Variants in P2RY13 observed in about 807,000 individuals in gnomAD.
P2RY13 encodes the protein P2Y purinoceptor 13.
For synonymous variants in P2RY13, 150 were observed against 155.1 expected (o/e 0.97, Z 0.24); for missense variants, 412 against 418.4 (o/e 0.98, Z 0.13).
rs1749718384 is a variant in P2RY13 at position 151,327,206 on chromosome 3, A to G, written c.*785T>C. The G allele has an allele frequency of 2.0e-5, 3 of 152,096 alleles. No individual in the cohort carries two copies. The highest frequency in any genetic ancestry group is 2.0e-4 in the Admixed American group (3 of 15,262). The allele number at this position is 152,096 out of a possible 1,614,324, so 9.4% of individuals were successfully genotyped here. A position where few individuals can be genotyped will look rare whatever the true frequency, so the allele number is the denominator to read the frequency against. On this transcript the variant is annotated 3_prime_UTR_variant, in exon 2 of 2. Transcript: ENST00000325602. ...GTAGAAGTATTTGTTTTTAATGAGG[A>G]GGGTGGGGCAGGGGGATAGGGGTTG...
Position 151,326,947 on chromosome 3 carries a change from A to T in P2RY13, c.*1044T>A, listed in dbSNP as rs1291563086. 1 of 152,218 alleles carries T rather than the reference A, an allele frequency of 6.6e-6. No individual in the cohort carries two copies. Among genetic ancestry groups the T allele is most frequent in the African/African-American group, 2.4e-5 (1 of 41,458 alleles). The allele number at this position is 152,218 out of a possible 1,614,324, so 9.4% of individuals were successfully genotyped here. ...TCACCATCCTTTGAAAAATCTCTCA[A>T]TATGGATGTTACTGATTGTGGGTCA... On this transcript the variant is annotated 3_prime_UTR_variant, in exon 2 of 2. Transcript: ENST00000325602.
rs1183735382 is a variant in P2RY13 at position 151,328,133 on chromosome 3, G to A, written c.923C>T (p.Thr308Ile). ...AKETTLFLAATNICMDPLIYI... is the reference protein window; with the variant it reads ...AKETTLFLAAINICMDPLIYI... ...TATTAAGGGATCCATACAAATGTTA[G>A]TTGCTGCCAAAAAGAGAGTTGTTTC... Residue 308 changes from threonine (T) to isoleucine (I), a missense_variant, in exon 2 of 2, where the codon ACT (threonine) becomes ATT (isoleucine). Physicochemically the swap from Thr to Ile is moderately conservative, Grantham distance 89 (BLOSUM62 -1). Coordinates refer to ENST00000325602, the MANE Select transcript of P2RY13 (RefSeq NM_176894.3). The A allele has an allele frequency of 6.2e-7, 1 of 1,612,706 alleles. No individual in the cohort carries two copies. The highest frequency in any genetic ancestry group is 8.5e-7 in the Non-Finnish European group (1 of 1,179,586).
rs1749746001 is a variant in P2RY13, at chr3:151,327,401, G to A, written c.*590C>T. On this transcript the variant is annotated 3_prime_UTR_variant, in exon 2 of 2. Coordinates refer to ENST00000325602, the MANE Select transcript of P2RY13 (RefSeq NM_176894.3). ...AATAATGGTGCTTGTGCCTCCTATG[G>A]TATATTATTGTAATGTGAAAGAGGC... 6.6e-6 allele frequency: 1 copy of A among 152,142 alleles called. No homozygotes were observed. The highest frequency in any genetic ancestry group is 1.5e-5 in the Non-Finnish European group (1 of 68,050). 9.4% of individuals were successfully genotyped at this position (152,142 alleles called of 1,614,324 possible). A position where few individuals can be genotyped will look rare whatever the true frequency, so the allele number is the denominator to read the frequency against.
In P2RY13 at chr3:151,329,509, C is replaced by A; in HGVS notation, c.20G>T (p.Arg7Ile). 1 of 1,548,186 alleles carries A rather than the reference C, an allele frequency of 6.5e-7. No individual in the cohort carries two copies. Among genetic ancestry groups the A allele is most frequent in the Non-Finnish European group, 8.7e-7 (1 of 1,144,604 alleles). ...TGGGAGGATACTCAGTTCTCTCTGTCTTCTTATGGCGGCAGTCATTAGTTC... is the reference window on the plus strand; with the variant it reads ...TGGGAGGATACTCAGTTCTCTCTGTATTCTTATGGCGGCAGTCATTAGTTC... MTAAIR[R>I]QRELSILPKV... The change falls in exon 1 of 2, where the codon AGA (arginine) becomes ATA (isoleucine). Residue 7 changes from arginine (R) to isoleucine (I), a missense_variant. Arg to Ile is a moderately conservative substitution (Grantham distance 97). Transcript: ENST00000325602.
At position 151,328,672 on chromosome 3, in the gene P2RY13, A is replaced by G. The variant is rs1432013663; in HGVS notation, c.384T>C (p.Tyr128=). ...FSSVIFYETM[Y]VGIVLLGLIA... ...TGAGCCCTAACAGCACGATGCCCAC[A>G]TACATGGTCTCATAAAATATCACCG... The change falls in exon 2 of 2, where the codon TAT becomes TAC. Residue 128 remains tyrosine (Y), a synonymous_variant. Coordinates refer to ENST00000325602, the MANE Select transcript of P2RY13 (RefSeq NM_176894.3). 2.4e-5 allele frequency: 39 copies of G among 1,613,944 alleles called. No homozygotes were observed. The highest frequency in any genetic ancestry group is 3.2e-5 in the Non-Finnish European group (38 of 1,179,834).
chr3:151,328,728 G>T lies in P2RY13; in HGVS notation c.328C>A (p.Gln110Lys). 11 of 1,614,066 alleles carry T rather than the reference G, an allele frequency of 6.8e-6. No homozygotes were observed. Among genetic ancestry groups the T allele is most frequent in the Non-Finnish European group, 9.3e-6 (11 of 1,179,944 alleles). ...ILSDSHLAPW[Q>K]LRAFVCRFSS... The stretch of plus-strand genomic sequence containing the variant: ...AAACGACACACAAAAGCTCTGAGCT[G>T]CCAGGGTGCCAGGTGTGAGTCAGAG... Residue 110 changes from glutamine (Q) to lysine (K), a missense_variant, in exon 2 of 2, where the codon CAG becomes AAG. Gln to Lys is a moderately conservative substitution (Grantham distance 53). Coordinates refer to ENST00000325602, the MANE Select transcript of P2RY13 (RefSeq NM_176894.3).
Position 151,328,421 on chromosome 3 carries a change from A to G in P2RY13, c.635T>C (p.Ile212Thr), listed in dbSNP as rs1164933189. Residue 212 changes from isoleucine (I) to threonine (T), a missense_variant, in exon 2 of 2, where the codon ATA becomes ACA. Coordinates refer to ENST00000325602, the MANE Select transcript of P2RY13 (RefSeq NM_176894.3). ...GLKWHQMVNN[I>T]CQFIFWTVFI... ...AACAGTCCAGAAAATAAACTGGCAT[A>G]TGTTATTTACCATTTGATGCCATTT... 6 of 1,613,302 alleles carry G rather than the reference A, an allele frequency of 3.7e-6. No individual in the cohort carries two copies. The highest frequency in any genetic ancestry group is 5.1e-6 in the Non-Finnish European group (6 of 1,179,378).
rs960863665 is a variant in P2RY13, at chr3:151,326,642, A to G, written c.*1349T>C. 1 of 152,194 alleles carries G rather than the reference A, an allele frequency of 6.6e-6. No homozygotes were observed. Among genetic ancestry groups the G allele is most frequent in the Non-Finnish European group, 1.5e-5 (1 of 68,024 alleles). The allele number at this position is 152,194 out of a possible 1,614,324, so 9.4% of individuals were successfully genotyped here. A position where few individuals can be genotyped will look rare whatever the true frequency, so the allele number is the denominator to read the frequency against. On this transcript the variant is annotated 3_prime_UTR_variant, in exon 2 of 2. Coordinates refer to ENST00000325602, the MANE Select transcript of P2RY13 (RefSeq NM_176894.3). ...CATTTTCTGAAAGTTAGAAATTTAT[A>G]CAAGAGTATAAAGTTCAAGAGATGG...
rs747613175 is a variant in P2RY13 at position 151,328,537 on chromosome 3, G to A, written c.519C>T (p.Phe173=). 3 of 1,613,710 alleles carry A rather than the reference G, an allele frequency of 1.9e-6. No homozygotes were observed. Among genetic ancestry groups the A allele is most frequent in the African/African-American group, 2.7e-5 (2 of 74,892 alleles). ...TCAAGATCGTATTTGGCAGGGAGAT[G>A]AAGAACAAAAAGAACCAGATGAAGA... ...VSIFIWFFLF[F]ISLPNTILSN... is the part of the protein sequence containing the mutation. Residue 173 remains phenylalanine (F), a synonymous_variant, in exon 2 of 2, where the codon TTC becomes TTT. Coordinates refer to ENST00000325602, the MANE Select transcript of P2RY13 (RefSeq NM_176894.3).
Position 151,326,656 on chromosome 3 carries a change from T to C in P2RY13, c.*1335A>G, listed in dbSNP as rs771425985. On this transcript the variant is annotated 3_prime_UTR_variant, in exon 2 of 2. Coordinates refer to ENST00000325602, the MANE Select transcript of P2RY13 (RefSeq NM_176894.3). ...TAGAAATTTATACAAGAGTATAAAG[T>C]TCAAGAGATGGATAAGTAGCTAGGA... 6 of 152,100 alleles carry C rather than the reference T, an allele frequency of 3.9e-5. No homozygotes were observed. The East Asian group carries it at 1.2e-3, about 29-fold the overall frequency. The allele number at this position is 152,100 out of a possible 1,614,324, so 9.4% of individuals were successfully genotyped here.
Position 151,327,865 on chromosome 3 carries a change from C to G in P2RY13, c.*126G>C. 1.5e-6 allele frequency: 1 copy of G among 680,754 alleles called. No individual in the cohort carries two copies. Among genetic ancestry groups the G allele is most frequent in the Non-Finnish European group, 2.4e-6 (1 of 415,278 alleles). The allele number at this position is 680,754 out of a possible 1,614,324, so 42.2% of individuals were successfully genotyped here. On this transcript the variant is annotated 3_prime_UTR_variant, in exon 2 of 2. Coordinates refer to ENST00000325602, the MANE Select transcript of P2RY13 (RefSeq NM_176894.3). ...GGATTTAAATTTTATATAATCTTTT[C>G]TGTACACGAGGATAATAAAATGTAA...
Position 151,328,490 on chromosome 3 carries a change from G to A in P2RY13, c.566C>T (p.Ser189Leu), listed in dbSNP as rs760204895. The change falls in exon 2 of 2, where the codon TCG (serine) becomes TTG (leucine). Residue 189 changes from serine to leucine, a missense_variant. Physicochemically the swap from Ser to Leu is moderately radical, Grantham distance 145. Coordinates refer to ENST00000325602, the MANE Select transcript of P2RY13 (RefSeq NM_176894.3). ...TAAGGAAGCACACTTTTTCACAGAC[G>A]ATGGTGTTGCTTCCTTGTTGCTCAA... is the stretch of plus-strand genomic sequence containing the variant. ...TILSNKEATP[S>L]SVKKCASLKG... The A allele has an allele frequency of 1.4e-5, 23 of 1,613,890 alleles. No homozygotes were observed. Among genetic ancestry groups the A allele is most frequent in the African/African-American group, 1.1e-4 (8 of 74,906 alleles).
Position 151,328,052 on chromosome 3 carries a change from T to C in P2RY13, c.1004A>G (p.Lys335Arg), listed in dbSNP as rs767135062. The change falls in exon 2 of 2, where the codon AAG (lysine) becomes AGG (arginine). Residue 335 changes from lysine (K) to arginine (R), a missense_variant. Lys to Arg is a conservative substitution (Grantham distance 26). Coordinates refer to ENST00000325602, the MANE Select transcript of P2RY13 (RefSeq NM_176894.3). ...ATTTTCTTGGCTTGATGCTGTGGTCTTTCTCCCTTGCATACATGGTAGCTT... is the reference window on the plus strand; with the variant it reads ...ATTTTCTTGGCTTGATGCTGTGGTCCTTCTCCCTTGCATACATGGTAGCTT... ...TEKLPCMQGR[K>R]TTASSQENHS... 1.2e-6 allele frequency: 2 copies of C among 1,606,362 alleles called. No homozygotes were observed. Among genetic ancestry groups the C allele is most frequent in the Admixed American group, 3.4e-5 (2 of 58,334 alleles).
At position 151,326,341 on chromosome 3, in the gene P2RY13, C is replaced by G. The variant is rs1354514351; in HGVS notation, c.*1650G>C. On this transcript the variant is annotated 3_prime_UTR_variant, in exon 2 of 2. Coordinates refer to ENST00000325602, the MANE Select transcript of P2RY13 (RefSeq NM_176894.3). ...TTTTATCAAACATTTATTGATTGCA[C>G]AATGAAACAATCTCTCCTTTCAGAT... 1.3e-5 allele frequency: 2 copies of G among 152,514 alleles called. No individual in the cohort carries two copies. The highest frequency in any genetic ancestry group is 2.9e-5 in the Non-Finnish European group (2 of 68,028). 9.4% of individuals were successfully genotyped at this position (152,514 alleles called of 1,614,324 possible).
rs1269448762 is a variant in P2RY13 at position 151,328,158 on chromosome 3, C to T, written c.898G>A (p.Glu300Lys). 1 of 1,612,956 alleles carries T rather than the reference C, an allele frequency of 6.2e-7. No individual in the cohort carries two copies. The highest frequency in any genetic ancestry group is 1.7e-5 in the Admixed American group (1 of 59,796). ...GTTGCTGCCAAAAAGAGAGTTGTTT[C>T]TTTAGCAATAAACAGTTGATTTTGC... Reference protein sequence around the residue: ...RLQNQLFIAKETTLFLAATNI... With the variant: ...RLQNQLFIAKKTTLFLAATNI... Residue 300 changes from glutamate to lysine, a missense_variant, in exon 2 of 2, where the codon GAA (glutamate) becomes AAA (lysine). Glu to Lys is a moderately conservative substitution (Grantham distance 56, BLOSUM62 1). Coordinates refer to ENST00000325602, the MANE Select transcript of P2RY13 (RefSeq NM_176894.3).
Position 151,329,358 on chromosome 3 carries a change from A to G in P2RY13, c.48+123T>C, listed in dbSNP as rs996424409. 41 of 620,778 alleles carry G rather than the reference A, an allele frequency of 6.6e-5. No homozygotes were observed. The East Asian group carries it at 9.4e-4, about 14-fold the overall frequency. 38.5% of individuals were successfully genotyped at this position (620,778 alleles called of 1,614,324 possible). A position where few individuals can be genotyped will look rare whatever the true frequency, so the allele number is the denominator to read the frequency against. ...CTAATACATCAGATTGCTGTAAATT[A>G]TGTAATTTCTTATGCTCATAAACTA... On this transcript the variant is annotated intron_variant, in intron 1 of 1. Coordinates refer to ENST00000325602, the MANE Select transcript of P2RY13 (RefSeq NM_176894.3).
At position 151,328,604 on chromosome 3, in the gene P2RY13, T is replaced by A; in HGVS notation, c.452A>T (p.Asn151Ile). Residue 151 changes from asparagine (N) to isoleucine (I), a missense_variant, in exon 2 of 2, where the codon AAT becomes ATT. Transcript: ENST00000325602. ...AAAAACAGGTTTTTTTAGAAAAATA[T>A]TTCTCAAAGGTCTGATGATCTTGAG... The part of the protein sequence containing the change: ...RFLKIIRPLR[N>I]IFLKKPVFAK... 6.2e-7 allele frequency: 1 copy of A among 1,613,746 alleles called. No individual in the cohort carries two copies. The highest frequency in any genetic ancestry group is 8.5e-7 in the Non-Finnish European group (1 of 1,179,900).
At position 151,326,470 on chromosome 3, in the gene P2RY13, G is replaced by T. The variant is rs1749609859; in HGVS notation, c.*1521C>A. On this transcript the variant is annotated 3_prime_UTR_variant, in exon 2 of 2. Transcript: ENST00000325602. ...GGTGTGACAGCATACAGAGGAGGGG[G>T]TGATTGGGTTTGAGGTGATGGTGGG... is the stretch of plus-strand genomic sequence containing the variant. 1 of 152,586 alleles carries T rather than the reference G, an allele frequency of 6.6e-6. No individual in the cohort carries two copies. The highest frequency in any genetic ancestry group is 1.5e-5 in the Non-Finnish European group (1 of 68,036). 9.5% of individuals were successfully genotyped at this position (152,586 alleles called of 1,614,324 possible).
Position 151,328,694 on chromosome 3 carries a change from A to G in P2RY13, c.362T>C (p.Val121Ala). 1 of 1,613,920 alleles carries G rather than the reference A, an allele frequency of 6.2e-7. No homozygotes were observed. The highest frequency in any genetic ancestry group is 8.5e-7 in the Non-Finnish European group (1 of 1,179,866). ...CACATACATGGTCTCATAAAATATCACCGAAGAAAAACGACACACAAAAGC... is the reference window on the plus strand; with the variant it reads ...CACATACATGGTCTCATAAAATATCGCCGAAGAAAAACGACACACAAAAGC... The part of the protein sequence containing the change: ...LRAFVCRFSS[V>A]IFYETMYVGI... The change falls in exon 2 of 2, where the codon GTG becomes GCG. Residue 121 changes from valine to alanine, a missense_variant. Coordinates refer to ENST00000325602, the MANE Select transcript of P2RY13 (RefSeq NM_176894.3).
Sources: gnomAD v4.1 joint callset for allele counts on GRCh38, gnomAD v4.1.1 for gene constraint, MANE v1.5 for transcripts, NCBI Gene and HGNC (gene_info 2026-07-23, HGNC 2026-07-21) for gene names.